The following XRN1 variants were observed in gnomAD, a reference collection of about 807,000 sequenced individuals.
XRN1 encodes the protein 5'-3' exoribonuclease 1, also known as strand-exchange protein 1 homolog.
In XRN1, 67 loss-of-function variants were observed where a neutral mutation model predicts 222.3. The observed-to-expected ratio is 0.30, with a 90% confidence interval of 0.25 to 0.37. The LOEUF (loss-of-function observed/expected upper bound fraction) is 0.37. Among genes scored for constraint, XRN1 ranks in the 10% least tolerant of loss-of-function variants. The pLI is 1.00. For synonymous variants in XRN1, 643 were observed against 652.4 expected (o/e 0.99, Z 0.22); for missense variants, 1,707 against 2,000.2 (o/e 0.85, Z 2.80).
chr3:142,312,839 C>T, intron 39 of XRN1, 81 bp from the exon 40 acceptor site: 1 of 1,428,276 alleles, frequency 7.0e-7, no homozygotes, highest in Non-Finnish European at 9.5e-7. Flanking sequence ...CTTCTGCTAG[C>T]CTTTTTGGGC....
At chr3:142,376,881 G>T (rs1210655458) in intron 23 of XRN1, among the ~76,000 whole-genome samples, 1 of 152,038 alleles carries the variant, frequency 6.6e-6, no homozygotes, top group Non-Finnish European at 1.5e-5. Context: ...AAACTCTACT[G>T]TAAGTACTAA....
In XRN1 at chr3:142,306,699, A is replaced by G. The variant is rs1369275792; in HGVS notation, c.*4812T>C. 3 of 152,578 alleles carry G rather than the reference A, an allele frequency of 2.0e-5. No homozygotes were observed. The highest frequency in any genetic ancestry group is 7.2e-5 in the African/African-American group (3 of 41,470). 9.5% of individuals were successfully genotyped at this position (152,578 alleles called of 1,614,324 possible). The stretch of plus-strand genomic sequence containing the variant: ...TCTTTCAGTGACTCTCATATTTTAA[A>G]ATCCTTTGCACAGCATCGTGAGGCT... On this transcript the variant is annotated 3_prime_UTR_variant, in exon 41 of 41. Transcript: ENST00000392981.
intron 2 of XRN1, 55 bp downstream of exon 2, chr3:142,432,605 AT>A (rs971649002): frequency 2.3e-5 from 32 of 1,394,422 alleles, no homozygotes; most frequent in Non-Finnish European, 3.1e-5. Flanking sequence ...TATCTTTAAA[AT>A]AACATATTTT....
chr3:142,396,992 C>T (rs1030079818), intron 20 of XRN1, among the ~76,000 whole-genome samples: 4 of 152,160 alleles, frequency 2.6e-5, no homozygotes, highest in Admixed American at 6.6e-5. Flanking sequence ...TTCCAATTTT[C>T]ATGACTTACA....
intron 34 of XRN1, among the ~76,000 whole-genome samples, chr3:142,334,803 A>ACACACACAC (rs57347012): frequency 1.8e-4 from 24 of 134,302 alleles, no homozygotes; most frequent in Middle Eastern, 3.8e-3. Flanking sequence ...CACACACACA[A>ACACACACAC]AAGACCATAT....
chr3:142,353,852 C>CT (rs1268173411), intron 32 of XRN1, among the ~76,000 whole-genome samples: 32 of 152,232 alleles, frequency 2.1e-4, no homozygotes, highest in African/African-American at 6.5e-4. Context: ...TAAAGAGTTT[C>CT]TGCTCGCTAA....
chr3:142,339,229 CAGAA>C (rs992154487), intron 33 of XRN1, among the ~76,000 whole-genome samples: 1 of 152,128 alleles, frequency 6.6e-6, no homozygotes, highest in Non-Finnish European at 1.5e-5. Flanking sequence ...CCAGGTGGCT[CAGAA>C]AGAGATACCC....
intron 1 of XRN1, among the ~76,000 whole-genome samples, chr3:142,444,672 G>A (rs1420812136): frequency 6.6e-6 from 1 of 152,052 alleles, no homozygotes; most frequent in African/African-American, 2.4e-5. Context: ...ACAGGGTGAC[G>A]ATAGGCAATA....
At chr3:142,383,597 ATT>A (rs1286642243) in intron 21 of XRN1, among the ~76,000 whole-genome samples, 184 bp from the exon 22 acceptor site, 1 of 152,226 alleles carries the variant, frequency 6.6e-6, no homozygotes, top group African/African-American at 2.4e-5. Flanking sequence ...TGCTTCACAC[ATT>A]TATTGAGTTC....
At chr3:142,361,963 C>CTTTTTTTTTTTTTTT (rs71153961) in intron 29 of XRN1, among the ~76,000 whole-genome samples, 46 of 51,672 alleles carry the variant, frequency 8.9e-4, no homozygotes, top group Non-Finnish European at 1.0e-3. Context: ...CTTTTTCTCT[C>CTTTTTTTTTTTTTTT]TTTTTTTTTT....
intron 1 of XRN1, among the ~76,000 whole-genome samples, chr3:142,444,309 C>G (rs1027672369): frequency 6.6e-6 from 1 of 151,976 alleles, no homozygotes; most frequent in Non-Finnish European, 1.5e-5. Flanking sequence ...TTAAAACAAA[C>G]AGAACAAAAA....
Position 142,332,363 on chromosome 3 carries a change from T to G in XRN1, c.4222+12A>C. On this transcript the variant is annotated intron_variant, in intron 36 of 40. Coordinates refer to ENST00000392981, the MANE Select transcript of XRN1 (RefSeq NM_001282857.2). ...AAATGATATTATTGGTAATAGTATT[T>G]AGTTTACTTACCTAATTTCTTATTT... 7 of 1,549,624 alleles carry G rather than the reference T, an allele frequency of 4.5e-6. No individual in the cohort carries two copies. The highest frequency in any genetic ancestry group is 6.2e-6 in the Non-Finnish European group (7 of 1,133,616).
intron 37 of XRN1, among the ~76,000 whole-genome samples, chr3:142,328,703 T>TTATATA (rs67278209): frequency 2.1e-5 from 1 of 47,184 alleles, no homozygotes; most frequent in Non-Finnish European, 5.1e-5. Context: ...ACTTGTAATA[T>TTATATA]TATATATATA....
rs183641680 is a variant in XRN1, at chr3:142,440,175, C to T, written c.76-7282G>A. 3.3e-3 allele frequency among the ~76,000 whole-genome samples: 509 copies of T among 152,278 alleles called. 2 individuals are homozygous for T. The highest frequency in any genetic ancestry group is 5.8e-3 in the Non-Finnish European group (396 of 68,028). On this transcript the variant is annotated intron_variant, in intron 1 of 40. Coordinates refer to ENST00000392981, the MANE Select transcript of XRN1 (RefSeq NM_001282857.2). ...GGCCTTCTCAGTCTTACTCTCCTGTCCTGGACAACTGTCCTCCAGATCTGT... is the reference window on the plus strand; with the variant it reads ...GGCCTTCTCAGTCTTACTCTCCTGTTCTGGACAACTGTCCTCCAGATCTGT...
chr3:142,391,749 A>AAAAT lies in XRN1; in HGVS notation c.2339+5579_2339+5580insATTT, dbSNP rs1553733834. Among the ~76,000 whole-genome samples the AAAAT allele has an allele frequency of 8.7e-5, 9 of 103,440 alleles. No homozygotes were observed. The East Asian group carries it at 1.3e-3, about 15-fold the overall frequency. 67.9% of individuals were successfully genotyped at this position (103,440 alleles called of 152,430 possible). A position where few individuals can be genotyped will look rare whatever the true frequency, so the allele number is the denominator to read the frequency against. ...ACCCCGTCTCACTAAAAAAAAAAAA[A>AAAAT]ATATATATATATATATATATATATA... On this transcript the variant is annotated intron_variant, in intron 20 of 40. Coordinates refer to ENST00000392981, the MANE Select transcript of XRN1 (RefSeq NM_001282857.2).
intron 33 of XRN1, among the ~76,000 whole-genome samples, chr3:142,337,950 T>C (rs923782704): frequency 6.6e-6 from 1 of 152,174 alleles, no homozygotes; most frequent in Non-Finnish European, 1.5e-5. Flanking sequence ...GAGTGTTTAT[T>C]CAAGAAAAAA....
chr3:142,434,681 C>A (rs2069792759), intron 1 of XRN1, among the ~76,000 whole-genome samples: 1 of 151,940 alleles, frequency 6.6e-6, no homozygotes, highest in Non-Finnish European at 1.5e-5. Flanking sequence ...TCTTTGAACC[C>A]ATAGGTTCAA....
chr3:142,365,450 A>T (rs2066785937), intron 27 of XRN1, 84 bp from the exon 28 acceptor site: 3 of 1,058,828 alleles, frequency 2.8e-6, no homozygotes, highest in Non-Finnish European at 3.9e-6. Flanking sequence ...ACATGTCTGA[A>T]TTTTAAAAAG....
At chr3:142,419,816 A>G (rs2068934770) in intron 10 of XRN1, among the ~76,000 whole-genome samples, 1 of 152,120 alleles carries the variant, frequency 6.6e-6, no homozygotes, top group Non-Finnish European at 1.5e-5. Context: ...TCCAAAAAAA[A>G]AAAAAAGAAA....
Sources: gnomAD v4.1 joint callset for allele counts (sites outside exome capture counted in the v4.1 genomes callset) on GRCh38, gnomAD v4.1.1 for gene constraint, MANE v1.5 for transcripts, NCBI Gene and HGNC (gene_info 2026-07-23, HGNC 2026-07-21) for gene names.